Variants in SRGAP3 observed in about 807,000 individuals in gnomAD.
The protein encoded by SRGAP3 is SLIT-ROBO Rho GTPase-activating protein 3.
SRGAP3 carries 39 observed loss-of-function variants against 121.1 expected under a neutral mutation model. That is an observed-to-expected ratio of 0.32 (90% CI 0.25 to 0.42). The LOEUF is 0.42. Among genes scored for constraint, SRGAP3 ranks in the 10% least tolerant of loss-of-function variants. The probability of loss-of-function intolerance (pLI) is 1.00; values close to 1 mark genes in which losing one functional copy is unlikely to be tolerated. For missense variants in SRGAP3, 1,213 were observed against 1,470.6 expected, an observed-to-expected ratio of 0.82 and a Z score of 2.86; for synonymous variants, 601 against 570.0, an observed-to-expected ratio of 1.05 and a Z score of -0.77.
chr3:8,982,472 G>T lies in SRGAP3; in HGVS notation c.*3047C>A. 4.5e-6 allele frequency: 1 copy of T among 223,192 alleles called. No individual in the cohort carries two copies. The highest frequency in any genetic ancestry group is 9.0e-6 in the Non-Finnish European group (1 of 111,598). The allele number at this position is 223,192 out of a possible 1,614,324, so 13.8% of individuals were successfully genotyped here. ...TGTTTTTACATTGATCTATCTACTA[G>T]GTGCAAAGATTTGGTGAGTGGCATT... is the stretch of plus-strand genomic sequence containing the variant. On this transcript the variant is annotated 3_prime_UTR_variant, in exon 22 of 22. Transcript: ENST00000383836.
Position 9,259,847 on chromosome 3 carries a change from C to T in SRGAP3, n.442+66163G>A, listed in dbSNP as rs1553563390. Among the ~76,000 whole-genome samples the T allele has an allele frequency of 3.8e-5, 5 of 133,136 alleles. 1 individual carries two copies. Among genetic ancestry groups the T allele is most frequent in the South Asian group, 2.4e-4 (1 of 4,110 alleles). 87.3% of individuals were successfully genotyped at this position (133,136 alleles called of 152,430 possible). On this transcript the variant is annotated intron_variant and non_coding_transcript_variant, in intron 3 of 3. Coordinates refer to the SRGAP3 transcript ENST00000490889. ...AGTTTAAATCTAAATAGCTGGGGGC[C>T]AGGGGTGGGGCTGGCAAGATGGCCA...
chr3:9,261,512 T>C (rs1954255425), intron 3 of SRGAP3, among the ~76,000 whole-genome samples: 1 of 151,848 alleles, frequency 6.6e-6, no homozygotes, highest in Admixed American at 6.6e-5. Flanking sequence ...ATAAATGACC[T>C]GATGGAACTG....
chr3:9,348,365 T>C, intron 1 of SRGAP3: 1 of 476,536 alleles, frequency 2.1e-6, no homozygotes, highest in Non-Finnish European at 3.9e-6. Context: ...AGACTAAAAG[T>C]AATCAAACAT....
chr3:9,207,803 G>A (rs1206182759), intron 1 of SRGAP3, among the ~76,000 whole-genome samples: 2 of 152,194 alleles, frequency 1.3e-5, no homozygotes, highest in Non-Finnish European at 2.9e-5. Flanking sequence ...GCGGCTGAGA[G>A]CTATCATCTC....
Position 9,047,252 on chromosome 3 carries a change from G to T in SRGAP3, c.1408+139C>A. 3.6e-6 allele frequency: 3 copies of T among 843,892 alleles called. No homozygotes were observed. In the South Asian group the frequency reaches 4.3e-5, roughly 12 times the overall value. The allele number at this position is 843,892 out of a possible 1,614,324, so 52.3% of individuals were successfully genotyped here. A position where few individuals can be genotyped will look rare whatever the true frequency, so the allele number is the denominator to read the frequency against. ...TGTACCAAGGTGATTTTCCCAGCCT[G>T]CCCAGTCCTGGTAAGTCCAGGTTCA... On this transcript the variant is annotated intron_variant, in intron 10 of 21. Transcript: ENST00000383836.
At chr3:9,087,684 T>A (rs1485119559) in intron 3 of SRGAP3, among the ~76,000 whole-genome samples, 6 of 151,810 alleles carry the variant, frequency 4.0e-5, no homozygotes, top group Non-Finnish European at 8.8e-5. Flanking sequence ...GAGACAGAGG[T>A]TGGGTCAGAT....
chr3:9,117,022 A>C (rs750559977), intron 2 of SRGAP3, among the ~76,000 whole-genome samples: 3 of 152,226 alleles, frequency 2.0e-5, no homozygotes, highest in Non-Finnish European at 4.4e-5. Context: ...CACAGGCACC[A>C]AACAATCAGG....
chr3:9,129,468 C>CAAA (rs750384100), intron 1 of SRGAP3, among the ~76,000 whole-genome samples: 4 of 69,002 alleles, frequency 5.8e-5, no homozygotes, highest in African/African-American at 1.4e-4. Context: ...GGTAGGTAAG[C>CAAA]AAAAAAAAAA....
intron 1 of SRGAP3, among the ~76,000 whole-genome samples, chr3:9,229,063 C>T (rs28436041): frequency 0.01 from 1,185 of 115,690 alleles, 17 homozygotes; most frequent in African/African-American, 0.041. Flanking sequence ...AGCGAGACTC[C>T]GTCTCAAAAA....
At position 9,219,506 on chromosome 3, in the gene SRGAP3, A is replaced by G. The variant is rs529838911; in HGVS notation, c.67+29379T>C. On this transcript the variant is annotated intron_variant, in intron 1 of 21. Coordinates refer to ENST00000383836, the MANE Select transcript of SRGAP3 (RefSeq NM_014850.4). ...GTAACTTTACCCCATGAGGAAGCAG[A>G]AGATCAAGAATTCCTATCTACAGAA... 3 of 152,316 alleles carry G rather than the reference A, an allele frequency of 2.0e-5. No homozygotes were observed. The East Asian group carries it at 5.8e-4, about 29-fold the overall frequency. The allele number at this position is 152,316 out of a possible 1,614,324, so 9.4% of individuals were successfully genotyped here.
chr3:9,278,248 C>G (rs1574966545), intron 3 of SRGAP3, among the ~76,000 whole-genome samples: 1 of 152,280 alleles, frequency 6.6e-6, no homozygotes, highest in East Asian at 1.9e-4. Flanking sequence ...TGTGTCAGGC[C>G]TCCTCCAAAA....
At position 9,038,109 on chromosome 3, in the gene SRGAP3, A is replaced by T. The variant is rs752395310; in HGVS notation, c.1409-19T>A. On this transcript the variant is annotated intron_variant, in intron 10 of 21. Transcript: ENST00000383836. Reference sequence around the variant, plus strand: ...CTTTCCCCTGCAAAGAAAAGTATACATGAATGTTTAATTGCCTTTTCTTTT... The same window carrying T: ...CTTTCCCCTGCAAAGAAAAGTATACTTGAATGTTTAATTGCCTTTTCTTTT... 6.2e-7 allele frequency: 1 copy of T among 1,614,028 alleles called. No homozygotes were observed. The highest frequency in any genetic ancestry group is 1.3e-5 in the African/African-American group (1 of 74,940).
intron 1 of SRGAP3, among the ~76,000 whole-genome samples, chr3:9,334,202 GTTTT>G (rs1290139694): frequency 6.6e-6 from 1 of 151,880 alleles, no homozygotes; most frequent in Non-Finnish European, 1.5e-5. Context: ...TCAAAATAAA[GTTTT>G]TTTAAAAAAA....
chr3:9,330,171 T>A (rs930833636), intron 2 of SRGAP3, among the ~76,000 whole-genome samples: 1 of 152,110 alleles, frequency 6.6e-6, no homozygotes, highest in Non-Finnish European at 1.5e-5. Context: ...TTTTCCTAAG[T>A]GTGCAAGAAA....
intron 3 of SRGAP3, among the ~76,000 whole-genome samples, chr3:9,314,448 A>T (rs1471113092): frequency 6.6e-6 from 1 of 152,184 alleles, no homozygotes; most frequent in African/African-American, 2.4e-5. Flanking sequence ...AGAAGAAAGA[A>T]GGAAGGAGAA....
chr3:9,228,152 G>C (rs1417188668), intron 1 of SRGAP3, among the ~76,000 whole-genome samples: 1 of 152,008 alleles, frequency 6.6e-6, no homozygotes, highest in Non-Finnish European at 1.5e-5. Flanking sequence ...AGCAGCAGCA[G>C]GTGTAAGAGA....
At chr3:9,217,585 A>G (rs953147561) in intron 1 of SRGAP3, 8 of 152,216 alleles carry the variant, frequency 5.3e-5, no homozygotes, top group African/African-American at 1.9e-4. Flanking sequence ...TTAAGAAAGG[A>G]TAATTTCTGA....
intron 1 of SRGAP3, among the ~76,000 whole-genome samples, chr3:9,338,273 A>G (rs1253694117): frequency 1.3e-5 from 2 of 152,198 alleles, no homozygotes; most frequent in African/African-American, 4.8e-5. Flanking sequence ...AAATAAAAAA[A>G]GAGTAGTAGA....
At chr3:9,093,075 G>T (rs371416789) in intron 3 of SRGAP3, among the ~76,000 whole-genome samples, 1 of 152,142 alleles carries the variant, frequency 6.6e-6, no homozygotes, top group Non-Finnish European at 1.5e-5. Flanking sequence ...TTCCTGAAAA[G>T]CCAGTATCTA....
Sources: allele counts gnomAD v4.1 joint callset (sites outside exome capture counted in the v4.1 genomes callset), GRCh38; gene constraint gnomAD v4.1.1; transcripts MANE v1.5; gene names NCBI Gene and HGNC (gene_info 2026-07-23, HGNC 2026-07-21).